The following COL25A1 variants were observed in gnomAD, a reference collection of about 807,000 sequenced individuals.
COL25A1 encodes the protein collagen alpha-1(XXV) chain.
In COL25A1, 103 loss-of-function variants were observed where a neutral mutation model predicts 128.4. The observed-to-expected ratio is 0.80, with a 90% CI of 0.68 to 0.94. COL25A1 has a LOEUF of 0.94. Among genes scored for constraint, COL25A1 ranks in the 40% least tolerant of loss-of-function variants. COL25A1 has a pLI of 0.00. For missense variants in COL25A1, 745 were observed against 840.0 expected, an observed-to-expected ratio of 0.89 and a Z score of 1.40; for synonymous variants, 279 against 277.2, an observed-to-expected ratio of 1.01 and a Z score of -0.06.
intron 3 of COL25A1, among the ~76,000 whole-genome samples, chr4:109,150,058 G>A (rs1771345637): frequency 1.3e-5 from 2 of 151,208 alleles, no homozygotes; most frequent in African/African-American, 4.9e-5. Context: ...GTGTGAGTAT[G>A]TATGCAGTGT....
At chr4:108,864,119 T>C (rs995892858) in intron 20 of COL25A1, among the ~76,000 whole-genome samples, 4 of 152,198 alleles carry the variant, frequency 2.6e-5, no homozygotes, top group East Asian at 1.9e-4. Context: ...TTGACTAATA[T>C]GCAATTATCC....
intron 19 of COL25A1, among the ~76,000 whole-genome samples, chr4:108,882,482 A>G (rs1391340304): frequency 1.3e-5 from 2 of 152,118 alleles, no homozygotes; most frequent in Non-Finnish European, 2.9e-5. Context: ...ATAATGCTAC[A>G]AGGTTATTTT....
chr4:109,109,242 T>A (rs1010518978), intron 3 of COL25A1, among the ~76,000 whole-genome samples: 1 of 152,132 alleles, frequency 6.6e-6, no homozygotes, highest in East Asian at 1.9e-4. Context: ...ATGTGCACCA[T>A]CACACCTGGC....
chr4:109,015,070 G>T (rs1270870549), intron 5 of COL25A1, among the ~76,000 whole-genome samples: 6 of 152,204 alleles, frequency 3.9e-5, no homozygotes. Flanking sequence ...CTGGTGATAT[G>T]GTAATGGTAT....
chr4:109,095,346 G>A (rs142234941), intron 3 of COL25A1, among the ~76,000 whole-genome samples: 165 of 152,258 alleles, frequency 1.1e-3, no homozygotes, highest in African/African-American at 3.8e-3. Flanking sequence ...GATGATAAAT[G>A]TAATTCTCTT....
chr4:109,100,808 A>T (rs1208992052), intron 3 of COL25A1, among the ~76,000 whole-genome samples: 1 of 152,174 alleles, frequency 6.6e-6, no homozygotes, highest in African/African-American at 2.4e-5. Flanking sequence ...ATGGAGAAGG[A>T]GATATGCTAT....
intron 3 of COL25A1, among the ~76,000 whole-genome samples, chr4:109,083,112 CCAAA>C (rs1764000036): frequency 6.6e-6 from 1 of 152,074 alleles, no homozygotes; most frequent in African/African-American, 2.4e-5. Context: ...AATAGGACTT[CCAAA>C]CAAAGAAGCA....
At chr4:108,913,537 C>A (rs989069368) in intron 13 of COL25A1, among the ~76,000 whole-genome samples, 1 of 151,960 alleles carries the variant, frequency 6.6e-6, no homozygotes, top group Non-Finnish European at 1.5e-5. Flanking sequence ...GGATTATAGG[C>A]GTGAGACACC....
Position 109,302,164 on chromosome 4 carries a change from C to T in COL25A1, c.-57+5G>A, listed in dbSNP as rs1859143. 0.47 allele frequency: 489,073 copies of T among 1,046,204 alleles called. 119,683 individuals are homozygous for T. The highest frequency in any genetic ancestry group is 0.83 in the African/African-American group (51,848 of 62,302). 64.8% of individuals were successfully genotyped at this position (1,046,204 alleles called of 1,614,324 possible). A position where few individuals can be genotyped will look rare whatever the true frequency, so the allele number is the denominator to read the frequency against. On this transcript the variant is annotated splice_donor_5th_base_variant and intron_variant, in intron 1 of 37. Coordinates refer to ENST00000399132, the MANE Select transcript of COL25A1 (RefSeq NM_198721.4). ...GTGGAGTCAAGCCCACGAGCGGATA[C>T]GGACCCCTGCCTTGCTCAGCGTCCA... is the stretch of plus-strand genomic sequence containing the variant.
At chr4:109,041,456 G>A (rs1759886285) in intron 5 of COL25A1, among the ~76,000 whole-genome samples, 1 of 151,842 alleles carries the variant, frequency 6.6e-6, no homozygotes, top group African/African-American at 2.4e-5. Flanking sequence ...TCTCTAAAAT[G>A]TTACAAGACT....
intron 3 of COL25A1, among the ~76,000 whole-genome samples, chr4:109,126,292 A>G (rs1305169072): frequency 6.6e-6 from 1 of 152,186 alleles, no homozygotes; most frequent in Admixed American, 6.6e-5. Flanking sequence ...TATTTTGTAT[A>G]TAACTTCTTT....
rs1304031515 is a variant in COL25A1 at position 108,817,425 on chromosome 4, C to T, written c.1934G>A (p.Gly645Asp). The T allele has an allele frequency of 6.2e-7, 1 of 1,613,140 alleles. No individual in the cohort carries two copies. The highest frequency in any genetic ancestry group is 1.1e-5 in the South Asian group (1 of 90,988). Residue 645 changes from glycine to aspartate, a missense_variant, in exon 37 of 38, where the codon GGC becomes GAC. By Grantham distance (94) the Gly-to-Asp change is moderately conservative. Coordinates refer to ENST00000399132, the MANE Select transcript of COL25A1 (RefSeq NM_198721.4). ...LDAPCQLGPD[G>D]LPMPGCWQK ...TTGCCAACAGCCAGGCATGGGTAAGCCATCTGGCCCCTGTTTTAAAGAGAA... is the reference window on the plus strand; with the variant it reads ...TTGCCAACAGCCAGGCATGGGTAAGTCATCTGGCCCCTGTTTTAAAGAGAA...
At chr4:109,182,328 CCG>C (rs1774733765) in intron 3 of COL25A1, among the ~76,000 whole-genome samples, 1 of 151,984 alleles carries the variant, frequency 6.6e-6, no homozygotes, top group Admixed American at 6.6e-5. Flanking sequence ...GCCACCAACT[CCG>C]TACCATTTTC....
chr4:109,138,186 T>C (rs969796998), intron 3 of COL25A1, among the ~76,000 whole-genome samples: 5 of 152,166 alleles, frequency 3.3e-5, no homozygotes, highest in African/African-American at 1.2e-4. Flanking sequence ...TCTCCCTGTG[T>C]CCATGTGTTT....
chr4:108,909,781 C>G (rs370688363), intron 13 of COL25A1, among the ~76,000 whole-genome samples: 1 of 152,186 alleles, frequency 6.6e-6, no homozygotes, highest in Non-Finnish European at 1.5e-5. Flanking sequence ...GGAGTATGCA[C>G]GGTCACACAG....
chr4:109,028,257 T>C (rs1758504639), intron 5 of COL25A1, among the ~76,000 whole-genome samples: 2 of 152,156 alleles, frequency 1.3e-5, no homozygotes, highest in African/African-American at 4.8e-5. Flanking sequence ...TACAGCCACG[T>C]ACCACCACAC....
At chr4:109,096,006 G>A (rs113053445) in intron 3 of COL25A1, among the ~76,000 whole-genome samples, 222 of 152,322 alleles carry the variant, frequency 1.5e-3, no homozygotes, top group African/African-American at 4.9e-3. Context: ...TGAAGGGTTA[G>A]GAAACTGAAG....
At chr4:108,909,370 A>G (rs1454716119) in intron 13 of COL25A1, among the ~76,000 whole-genome samples, 2 of 152,236 alleles carry the variant, frequency 1.3e-5, no homozygotes, top group African/African-American at 4.8e-5. Context: ...AACTTAATAC[A>G]AATACCCTCT....
intron 3 of COL25A1, among the ~76,000 whole-genome samples, chr4:109,116,147 AG>A (rs755956132): frequency 2.2e-4 from 34 of 152,054 alleles, no homozygotes; most frequent in Non-Finnish European, 4.4e-4. Context: ...AAAACTCCAG[AG>A]GGACACAGTA....
Sources: gnomAD v4.1 joint callset for allele counts (sites outside exome capture counted in the v4.1 genomes callset) on GRCh38, gnomAD v4.1.1 for gene constraint, MANE v1.5 for transcripts, NCBI Gene and HGNC (gene_info 2026-07-23, HGNC 2026-07-21) for gene names.